Variants in FAR2 observed in about 807,000 individuals in gnomAD.
The protein encoded by FAR2 is fatty acyl-CoA reductase 2.
In FAR2, 19 loss-of-function variants were observed where a neutral mutation model predicts 56.0. That is an observed-to-expected ratio of 0.34 (90% CI 0.24 to 0.50). The LOEUF (loss-of-function observed/expected upper bound fraction) is 0.50, where lower values mean the gene tolerates loss of function less well. Among genes scored for constraint, FAR2 ranks in the 20% least tolerant of loss-of-function variants. The pLI is 0.98. For synonymous variants in FAR2, 219 were observed against 218.8 expected (o/e 1.00, Z -0.01); for missense variants, 508 against 642.2 (o/e 0.79, Z 2.26).
intron 1 of FAR2, among the ~76,000 whole-genome samples, chr12:29,177,268 A>G (rs1013272767): frequency 2.0e-5 from 3 of 152,218 alleles, no homozygotes; most frequent in Admixed American, 6.5e-5. Flanking sequence ...TCCAGCTGCA[A>G]TGGATCCAGG....
At chr12:29,222,007 C>A (rs1203566885) in intron 1 of FAR2, among the ~76,000 whole-genome samples, 1 of 152,080 alleles carries the variant, frequency 6.6e-6, no homozygotes, top group Non-Finnish European at 1.5e-5. Flanking sequence ...ACTACCACAC[C>A]CAGCTAATTT....
chr12:29,270,618 T>A lies in FAR2; in HGVS notation c.169T>A (p.Phe57Ile), dbSNP rs200868600. 1.1e-5 allele frequency: 17 copies of A among 1,613,200 alleles called. No individual in the cohort carries two copies. In the African/African-American group the frequency reaches 2.0e-4, roughly 19 times the overall value. The change falls in exon 2 of 12, where the codon TTC becomes ATC. Residue 57 changes from phenylalanine to isoleucine, a missense_variant. Phe to Ile is a conservative substitution (Grantham distance 21, BLOSUM62 0). Transcript: ENST00000536681. ...KAGQTLQQRV[F>I]QILDSKLFEK... ...TGGCCAGACACTGCAGCAGAGGGTT[T>A]TCCAGATCCTAGACAGTAAGGTATG...
At chr12:29,331,144 TTAAG>T (rs1949725175) in intron 10 of FAR2, among the ~76,000 whole-genome samples, 2 of 151,910 alleles carry the variant, frequency 1.3e-5, no homozygotes, top group African/African-American at 2.4e-5. Context: ...TCACCAGAAG[TTAAG>T]TAAGTTAAGA....
chr12:29,153,744 G>T (rs187330249), intron 1 of FAR2, among the ~76,000 whole-genome samples: 33 of 152,292 alleles, frequency 2.2e-4, no homozygotes, highest in African/African-American at 7.2e-4. Context: ...GAAGTGCACA[G>T]ACTTGAGGTG....
chr12:29,325,935 A>C (rs1949636515), intron 10 of FAR2, among the ~76,000 whole-genome samples: 1 of 152,196 alleles, frequency 6.6e-6, no homozygotes, highest in Non-Finnish European at 1.5e-5. Context: ...ACCCAAAAAA[A>C]CCCTTCAAAA....
At chr12:29,263,966 G>A (rs1029085650) in intron 1 of FAR2, among the ~76,000 whole-genome samples, 1 of 151,984 alleles carries the variant, frequency 6.6e-6, no homozygotes, top group African/African-American at 2.4e-5. Flanking sequence ...TATAATACCA[G>A]TATTACCCTG....
chr12:29,181,010 G>A (rs1949986904), intron 1 of FAR2, among the ~76,000 whole-genome samples: 1 of 151,940 alleles, frequency 6.6e-6, no homozygotes, highest in Non-Finnish European at 1.5e-5. Context: ...ATCAATATAT[G>A]TTGTATCTAG....
intron 1 of FAR2, among the ~76,000 whole-genome samples, chr12:29,190,548 T>C (rs1185386261): frequency 2.6e-5 from 4 of 152,156 alleles, no homozygotes; most frequent in Non-Finnish European, 4.4e-5. Context: ...CACTGAAATC[T>C]CCGACTCCCG....
Position 29,293,337 on chromosome 12 carries a change from A to G in FAR2, c.227A>G (p.His76Arg), listed in dbSNP as rs151289424. ...EKVKEVCPNV[H>R]EKIRAIYADL... The stretch of plus-strand genomic sequence containing the variant: ...GTCAAAGAAGTTTGTCCAAATGTGC[A>G]TGAGAAGATCAGAGCTATTTATGCA... Residue 76 changes from histidine (H) to arginine (R), a missense_variant, in exon 3 of 12, where the codon CAT (histidine) becomes CGT (arginine). Coordinates refer to ENST00000536681, the MANE Select transcript of FAR2 (RefSeq NM_001271783.2). 1.2e-6 allele frequency: 2 copies of G among 1,602,736 alleles called. No individual in the cohort carries two copies. The highest frequency in any genetic ancestry group is 2.3e-5 in the East Asian group (1 of 44,366).
intron 1 of FAR2, among the ~76,000 whole-genome samples, chr12:29,262,036 G>T (rs141149805): frequency 2.6e-3 from 393 of 152,340 alleles, no homozygotes; most frequent in Non-Finnish European, 4.6e-3. Flanking sequence ...CACTGTAATT[G>T]TAGTGTGTAA....
intron 1 of FAR2, among the ~76,000 whole-genome samples, chr12:29,194,464 A>G (rs989999077): frequency 2.7e-4 from 41 of 151,720 alleles, no homozygotes; most frequent in Non-Finnish European, 5.0e-4. Context: ...TGGCTAGTCC[A>G]TAAAGTTGGA....
At chr12:29,240,861 A>C (rs990050455) in intron 1 of FAR2, among the ~76,000 whole-genome samples, 1 of 152,086 alleles carries the variant, frequency 6.6e-6, no homozygotes, top group African/African-American at 2.4e-5. Flanking sequence ...GCTAGAGTGC[A>C]GTGACACGAT....
At chr12:29,180,205 TA>T (rs1303763849) in intron 1 of FAR2, among the ~76,000 whole-genome samples, 1 of 152,046 alleles carries the variant, frequency 6.6e-6, no homozygotes, top group Non-Finnish European at 1.5e-5. Flanking sequence ...GGTAAAATAA[TA>T]AAAGAATGCT....
chr12:29,220,379 T>C (rs1947672028), intron 1 of FAR2, among the ~76,000 whole-genome samples: 1 of 152,198 alleles, frequency 6.6e-6, no homozygotes, highest in Non-Finnish European at 1.5e-5. Context: ...TCTTTGAGCA[T>C]ATAGGAAAGA....
At chr12:29,257,897 C>T (rs1948352898) in intron 1 of FAR2, among the ~76,000 whole-genome samples, 1 of 152,200 alleles carries the variant, frequency 6.6e-6, no homozygotes. Flanking sequence ...CACAGGATTA[C>T]AGACGTGAGA....
At chr12:29,184,873 G>A (rs1340246841) in intron 1 of FAR2, among the ~76,000 whole-genome samples, 5 of 152,068 alleles carry the variant, frequency 3.3e-5, no homozygotes, top group Non-Finnish European at 1.5e-5. Context: ...TTTCTTCTGT[G>A]TTGAATTCTC....
At chr12:29,310,543 T>C (rs1218941424) in intron 6 of FAR2, among the ~76,000 whole-genome samples, 1 of 152,206 alleles carries the variant, frequency 6.6e-6, no homozygotes, top group Non-Finnish European at 1.5e-5. Context: ...TTTCACCAAT[T>C]AATGTTTTTC....
Position 29,273,842 on chromosome 12 carries a change from G to A in FAR2, c.189+3204G>A, listed in dbSNP as rs570095290. ...TGTTCCATGGAAAAAGCAGTTCCCC[G>A]GGCCGGGTAGCATGCTCACTCACCA... On this transcript the variant is annotated intron_variant, in intron 2 of 11. Transcript: ENST00000536681. Among the ~76,000 whole-genome samples the A allele has an allele frequency of 4.6e-5, 7 of 152,194 alleles. No individual in the cohort carries two copies. The East Asian group carries it at 7.8e-4, about 17-fold the overall frequency.
intron 1 of FAR2, among the ~76,000 whole-genome samples, chr12:29,228,078 A>T (rs932370716): frequency 1.3e-5 from 2 of 151,858 alleles, no homozygotes; most frequent in African/African-American, 4.8e-5. Context: ...ACATGTATAC[A>T]TATGTAACAA....
Sources: allele counts gnomAD v4.1 joint callset (sites outside exome capture counted in the v4.1 genomes callset), GRCh38; gene constraint gnomAD v4.1.1; transcripts MANE v1.5; gene names NCBI Gene and HGNC (gene_info 2026-07-23, HGNC 2026-07-21).